The following ST7 variants were observed in gnomAD, a reference collection of about 807,000 sequenced individuals.
ST7 encodes suppressor of tumorigenicity 7 protein.
Under a neutral mutation model 78.7 loss-of-function variants are expected in ST7, and 28 were observed. That is an observed-to-expected ratio of 0.36 (90% CI 0.26 to 0.49). The LOEUF (loss-of-function observed/expected upper bound fraction) is 0.49. ST7 is among the 20% of genes least tolerant of loss of function. The probability of loss-of-function intolerance (pLI) is 0.99; values close to 1 mark genes in which losing one functional copy is unlikely to be tolerated. For missense variants in ST7, 418 were observed against 696.0 expected (o/e 0.60, Z 4.49); for synonymous variants, 247 against 249.6 (o/e 0.99, Z 0.10).
At chr7:117,030,417 A>G (rs1796415499) in intron 1 of ST7, among the ~76,000 whole-genome samples, 1 of 152,238 alleles carries the variant, frequency 6.6e-6, no homozygotes. Flanking sequence ...GTGAGATTTC[A>G]CTAAACAGAT....
At position 117,202,510 on chromosome 7, in the gene ST7, AT is replaced by A. The variant is rs375229222; in HGVS notation, c.1255-7276del. The stretch of plus-strand genomic sequence containing the variant: ...GGAGCTCACATTATTCTAGTTTCTT[AT>A]GCCAAAAATTTGTCACCTTCGGTTC... On this transcript the variant is annotated intron_variant, in intron 12 of 15. Coordinates refer to ENST00000323984, the MANE Select transcript of ST7 (RefSeq NM_001369598.1). 2.7e-3 allele frequency among the ~76,000 whole-genome samples: 412 copies of A among 152,176 alleles called. 5 individuals carry two copies. The highest frequency in any genetic ancestry group is 9.2e-3 in the African/African-American group (383 of 41,508).
chr7:117,187,068 G>A (rs1246779195), intron 10 of ST7, among the ~76,000 whole-genome samples: 1 of 152,158 alleles, frequency 6.6e-6, no homozygotes, highest in Non-Finnish European at 1.5e-5. Flanking sequence ...CTATGTGAAG[G>A]GAAATTTAGG....
intron 3 of ST7, among the ~76,000 whole-genome samples, chr7:117,128,858 G>T (rs1311578865): frequency 1.3e-5 from 2 of 151,774 alleles, no homozygotes; most frequent in Non-Finnish European, 2.9e-5. Context: ...TCACTTTTTT[G>T]TACATATGTT....
chr7:117,159,049 AC>A (rs1428311166), intron 9 of ST7, among the ~76,000 whole-genome samples: 1 of 152,156 alleles, frequency 6.6e-6, no homozygotes, highest in East Asian at 1.9e-4. Context: ...TGCCTTTCTC[AC>A]TCAAGGAACA....
At chr7:117,060,591 T>C (rs1365043030) in intron 1 of ST7, among the ~76,000 whole-genome samples, 1 of 152,196 alleles carries the variant, frequency 6.6e-6, no homozygotes, top group Admixed American at 6.5e-5. Context: ...TAATAGTCAA[T>C]AAAGTAATTC....
chr7:117,090,144 T>C (rs1800490244), intron 1 of ST7, among the ~76,000 whole-genome samples: 1 of 152,116 alleles, frequency 6.6e-6, no homozygotes, highest in Non-Finnish European at 1.5e-5. Flanking sequence ...ATAATATAAG[T>C]ATATCTGGGA....
intron 1 of ST7, chr7:117,073,139 A>T (rs1799092873): frequency 6.6e-6 from 1 of 152,184 alleles, no homozygotes; most frequent in East Asian, 1.9e-4. Context: ...CTGGAATGAG[A>T]CCTGTAAAAA....
At position 117,207,575 on chromosome 7, in the gene ST7, T is replaced by G. The variant is rs542089771; in HGVS notation, c.1255-2212T>G. 2.0e-5 allele frequency among the ~76,000 whole-genome samples: 3 copies of G among 152,350 alleles called. No homozygotes were observed. The South Asian group carries it at 6.2e-4, about 32-fold the overall frequency. ...GATGCTTAATGAAATGTGAAAGCCT[T>G]TTCTAATCATAGAAATGAAAAGAAT... On this transcript the variant is annotated intron_variant, in intron 12 of 15. Coordinates refer to ENST00000323984, the MANE Select transcript of ST7 (RefSeq NM_001369598.1).
intron 2 of ST7, among the ~76,000 whole-genome samples, chr7:117,104,872 G>A (rs1280314410): frequency 4.6e-5 from 7 of 152,148 alleles, no homozygotes; most frequent in African/African-American, 1.4e-4. Context: ...TATTATTAAC[G>A]TGCACAGGAG....
intron 1 of ST7, among the ~76,000 whole-genome samples, chr7:117,061,177 C>T (rs1042344103): frequency 1.3e-5 from 2 of 151,944 alleles, no homozygotes; most frequent in African/African-American, 2.4e-5. Flanking sequence ...GTTTTAGGTC[C>T]TGCCATTTTA....
chr7:117,001,781 C>T (rs1156998741), intron 1 of ST7, among the ~76,000 whole-genome samples: 1 of 151,954 alleles, frequency 6.6e-6, no homozygotes, highest in Admixed American at 6.5e-5. Context: ...TTTTCTTATT[C>T]TTCCCTCCAA....
intron 2 of ST7, among the ~76,000 whole-genome samples, chr7:117,109,517 G>T (rs2116872208): frequency 6.6e-6 from 1 of 152,236 alleles, no homozygotes; most frequent in East Asian, 1.9e-4. Context: ...AAACTAGGAA[G>T]AAATTGAAAG....
chr7:117,163,783 A>G (rs1055205010), intron 9 of ST7, among the ~76,000 whole-genome samples: 2 of 152,032 alleles, frequency 1.3e-5, no homozygotes, highest in African/African-American at 2.4e-5. Context: ...CGGAAGTTTT[A>G]TTTATAAATA....
chr7:117,156,589 TG>T (rs2117187616), intron 9 of ST7, among the ~76,000 whole-genome samples: 1 of 152,264 alleles, frequency 6.6e-6, no homozygotes, highest in South Asian at 2.1e-4. Context: ...GGATCATGTA[TG>T]TGGAGAGATA....
At chr7:117,155,214 C>T (rs1170715432) in intron 9 of ST7, among the ~76,000 whole-genome samples, 1 of 152,042 alleles carries the variant, frequency 6.6e-6, no homozygotes, top group Non-Finnish European at 1.5e-5. Context: ...AGAGGAAGAA[C>T]TAATGCACAG....
At chr7:117,134,716 G>A (rs1309653719) in intron 7 of ST7, among the ~76,000 whole-genome samples, 3 of 151,952 alleles carry the variant, frequency 2.0e-5, no homozygotes, top group Non-Finnish European at 2.9e-5. Flanking sequence ...GCCTGTCCCA[G>A]TTATTTTCTC....
In ST7 at chr7:117,017,901, C is replaced by T. The variant is rs527880799; in HGVS notation, c.151+64210C>T. ...AGGAGTCAGAGGGTGTGATTTGTGT[C>T]CGGTTTTCCTGGCAAGTGAGATGCC... is the stretch of plus-strand genomic sequence containing the variant. On this transcript the variant is annotated intron_variant, in intron 1 of 15. Transcript: ENST00000323984. Among the ~76,000 whole-genome samples the T allele has an allele frequency of 2.6e-5, 4 of 152,198 alleles. 1 individual carries two copies. Among genetic ancestry groups the T allele is most frequent in the African/African-American group, 9.6e-5 (4 of 41,526 alleles).
intron 15 of ST7, among the ~76,000 whole-genome samples, chr7:117,229,493 G>GATGCTA (rs1793654619): frequency 1.3e-5 from 2 of 152,314 alleles, no homozygotes; most frequent in Non-Finnish European, 2.9e-5. Flanking sequence ...AGACTAGCAG[G>GATGCTA]AAGACCTCAG....
intron 10 of ST7, among the ~76,000 whole-genome samples, chr7:117,176,196 A>G (rs1052228618): frequency 1.3e-5 from 2 of 152,196 alleles, no homozygotes; most frequent in African/African-American, 4.8e-5. Context: ...AATTTGGGGC[A>G]GAATCTTCTC....
Sources: gnomAD v4.1 joint callset for allele counts (sites outside exome capture counted in the v4.1 genomes callset) on GRCh38, gnomAD v4.1.1 for gene constraint, MANE v1.5 for transcripts, NCBI Gene and HGNC (gene_info 2026-07-23, HGNC 2026-07-21) for gene names.